The following CAPN7 variants were observed in gnomAD, a reference collection of about 807,000 sequenced individuals.
CAPN7 encodes calpain 7.
A neutral mutation model predicts 115.2 loss-of-function variants in CAPN7; 72 were observed. The observed-to-expected ratio is 0.63, with a 90% CI of 0.52 to 0.76. The LOEUF (loss-of-function observed/expected upper bound fraction) is 0.76, where lower values mean the gene tolerates loss of function less well. Ranked by LOEUF, CAPN7 falls within the 30% of genes least tolerant of loss-of-function variation. The pLI is 0.00. For missense variants in CAPN7, 905 were observed against 971.5 expected, an observed-to-expected ratio of 0.93 and a Z score of 0.91; for synonymous variants, 344 against 322.3, an observed-to-expected ratio of 1.07 and a Z score of -0.72.
chr3:15,242,834 A>G (rs1212146607), intron 16 of CAPN7, among the ~76,000 whole-genome samples: 1 of 152,182 alleles, frequency 6.6e-6, no homozygotes, highest in Non-Finnish European at 1.5e-5. Flanking sequence ...TATTTAACAC[A>G]TTGTGTTGAA....
At chr3:15,206,703 T>A in intron 1 of CAPN7, 106 bp downstream of exon 1, 1 of 801,542 alleles carries the variant, frequency 1.2e-6, no homozygotes, top group Non-Finnish European at 1.9e-6. Flanking sequence ...GCCCCGGCTT[T>A]GCTTTTCCCT....
chr3:15,224,588 A>T (rs774604506), intron 6 of CAPN7, among the ~76,000 whole-genome samples: 6 of 149,732 alleles, frequency 4.0e-5, no homozygotes, highest in Non-Finnish European at 5.9e-5. Context: ...TTTTCTTTTC[A>T]TGTATTTATA....
At chr3:15,245,398 TATC>T (rs1695598290) in intron 16 of CAPN7, 125 bp from the exon 17 acceptor site, 3 of 788,914 alleles carry the variant, frequency 3.8e-6, no homozygotes, top group Non-Finnish European at 2.0e-6. Flanking sequence ...AATTCACTAA[TATC>T]ATTATATTTT....
intron 12 of CAPN7, among the ~76,000 whole-genome samples, chr3:15,240,066 A>G (rs1406861425): frequency 2.6e-5 from 4 of 152,220 alleles, no homozygotes; most frequent in Non-Finnish European, 5.9e-5. Context: ...GAAAAGGCAG[A>G]AAATACTTCA....
At chr3:15,250,144 A>G (rs1002943240) in intron 19 of CAPN7, among the ~76,000 whole-genome samples, 2 of 147,572 alleles carry the variant, frequency 1.4e-5, no homozygotes, top group African/African-American at 5.0e-5. Flanking sequence ...AGGCCAATGT[A>G]GGAGGATAGC....
chr3:15,217,396 C>A (rs200608716), intron 2 of CAPN7, 29 bp from the exon 3 acceptor site: 1 of 1,537,490 alleles, frequency 6.5e-7, no homozygotes. Flanking sequence ...AGATAATACT[C>A]CTTCTGCGTA....
chr3:15,240,429 C>T lies in CAPN7; in HGVS notation c.1408-44C>T, dbSNP rs750580097. ...AATAAGAGAACTAATATGGTAAAAACTGTTTTACAACTTAATGTTATCTCC... is the reference window on the plus strand; with the variant it reads ...AATAAGAGAACTAATATGGTAAAAATTGTTTTACAACTTAATGTTATCTCC... On this transcript the variant is annotated intron_variant, in intron 12 of 20. Transcript: ENST00000253693. 3 of 1,566,762 alleles carry T rather than the reference C, an allele frequency of 1.9e-6. No individual in the cohort carries two copies. The South Asian group carries it at 3.5e-5, about 18-fold the overall frequency.
intron 5 of CAPN7, among the ~76,000 whole-genome samples, chr3:15,223,009 C>A (rs576659122): frequency 6.6e-6 from 1 of 152,206 alleles, no homozygotes; most frequent in South Asian, 2.1e-4. Context: ...AACCTTATTT[C>A]TTTAATTTGT....
chr3:15,225,686 C>A (rs1020601190), intron 6 of CAPN7, among the ~76,000 whole-genome samples: 1 of 152,134 alleles, frequency 6.6e-6, no homozygotes, highest in Non-Finnish European at 1.5e-5. Context: ...GCTACTCTAG[C>A]ATATAAACTT....
intron 5 of CAPN7, 195 bp downstream of exon 5, chr3:15,221,176 ATTATT>A (rs1388950465): frequency 9.5e-5 from 41 of 430,990 alleles, no homozygotes; most frequent in Non-Finnish European, 6.1e-5. Flanking sequence ...ATTTTATTTT[ATTATT>A]TTCATTTGTA....
chr3:15,223,023 T>C (rs1444701384), intron 5 of CAPN7, among the ~76,000 whole-genome samples: 2 of 152,248 alleles, frequency 1.3e-5, no homozygotes, highest in African/African-American at 2.4e-5. Context: ...AATTTGTCAG[T>C]AGACCATAGC....
At position 15,228,602 on chromosome 3, in the gene CAPN7, C is replaced by T. The variant is rs541276989; in HGVS notation, c.853-372C>T. Among the ~76,000 whole-genome samples the T allele has an allele frequency of 4.8e-4, 73 of 152,230 alleles. 1 individual carries two copies. The highest frequency in any genetic ancestry group is 4.7e-3 in the Admixed American group (72 of 15,298). On this transcript the variant is annotated intron_variant, in intron 7 of 20. Transcript: ENST00000253693. Reference sequence around the variant, plus strand: ...GAGGCCATTATCCTTAGCAAACTGACGCAGAACAGAAAACCAAATACTGCA... The same window carrying T: ...GAGGCCATTATCCTTAGCAAACTGATGCAGAACAGAAAACCAAATACTGCA...
At chr3:15,227,310 A>G (rs1694380099) in intron 6 of CAPN7, among the ~76,000 whole-genome samples, 1 of 152,170 alleles carries the variant, frequency 6.6e-6, no homozygotes. Context: ...GTCATTAATC[A>G]CTTTAAGCTA....
intron 16 of CAPN7, among the ~76,000 whole-genome samples, 163 bp from the exon 17 acceptor site, chr3:15,245,357 GTTTAAT>G (rs916101704): frequency 6.6e-6 from 1 of 152,094 alleles, no homozygotes. Flanking sequence ...ATTAGGAACT[GTTTAAT>G]TTTAAAGTTT....
chr3:15,250,009 C>G (rs933070248), intron 19 of CAPN7, among the ~76,000 whole-genome samples: 3 of 151,338 alleles, frequency 2.0e-5, no homozygotes, highest in African/African-American at 4.8e-5. Flanking sequence ...GTGATCCACC[C>G]ACCTCTGCCT....
intron 2 of CAPN7, among the ~76,000 whole-genome samples, chr3:15,212,735 G>A (rs2045026048): frequency 6.6e-6 from 1 of 152,100 alleles, no homozygotes; most frequent in African/African-American, 2.4e-5. Flanking sequence ...AGCACAACAG[G>A]TACAATAATA....
At chr3:15,234,213 G>A (rs1172051657) in intron 11 of CAPN7, among the ~76,000 whole-genome samples, 1 of 152,242 alleles carries the variant, frequency 6.6e-6, no homozygotes, top group Non-Finnish European at 1.5e-5. Flanking sequence ...CTACTCAGGA[G>A]GCTGAGGCAG....
intron 2 of CAPN7, among the ~76,000 whole-genome samples, chr3:15,216,291 C>T (rs747053938): frequency 6.6e-6 from 1 of 152,154 alleles, no homozygotes; most frequent in Non-Finnish European, 1.5e-5. Flanking sequence ...CCTTCACATC[C>T]TAACACTTGT....
chr3:15,240,699 C>T, intron 13 of CAPN7, 55 bp from the exon 14 acceptor site: 2 of 1,553,342 alleles, frequency 1.3e-6, no homozygotes, highest in Non-Finnish European at 1.8e-6. Context: ...GTGTAACTGA[C>T]TTAAATCATT....
Sources: gnomAD v4.1 joint callset for allele counts (sites outside exome capture counted in the v4.1 genomes callset) on GRCh38, gnomAD v4.1.1 for gene constraint, MANE v1.5 for transcripts, NCBI Gene and HGNC (gene_info 2026-07-23, HGNC 2026-07-21) for gene names.